CCDC178: variants seen among roughly 807,000 people sequenced by gnomAD.
CCDC178 encodes coiled-coil domain-containing protein 178.
In CCDC178, 126 loss-of-function variants were observed where a neutral mutation model predicts 117.4. That is an observed-to-expected ratio of 1.07 (90% CI 0.93 to 1.24). The LOEUF (loss-of-function observed/expected upper bound fraction) is 1.24. CCDC178 is among the 50% of genes most tolerant of loss of function. The probability of loss-of-function intolerance (pLI) is 0.00; values close to 1 mark genes in which losing one functional copy is unlikely to be tolerated. For synonymous variants in CCDC178, 283 were observed against 313.4 expected, an observed-to-expected ratio of 0.90 and a Z score of 1.02; for missense variants, 1,030 against 986.9, an observed-to-expected ratio of 1.04 and a Z score of -0.59.
At chr18:33,244,984 C>G (rs1298644531) in intron 15 of CCDC178, among the ~76,000 whole-genome samples, 1 of 151,926 alleles carries the variant, frequency 6.6e-6, no homozygotes, top group Non-Finnish European at 1.5e-5. Flanking sequence ...GAGCACCACA[C>G]TCCTGGTGCT....
intron 12 of CCDC178, among the ~76,000 whole-genome samples, chr18:33,269,986 G>T (rs528395930): frequency 1.3e-5 from 2 of 151,638 alleles, no homozygotes; most frequent in South Asian, 4.2e-4. Flanking sequence ...CTAAAACAAA[G>T]CATTAAAATA....
At chr18:33,110,801 T>A (rs1245869322) in intron 20 of CCDC178, among the ~76,000 whole-genome samples, 1 of 151,626 alleles carries the variant, frequency 6.6e-6, no homozygotes, top group Non-Finnish European at 1.5e-5. Context: ...TATCACAATT[T>A]CTTATAATGT....
chr18:33,361,629 C>A (rs549631145), intron 6 of CCDC178, among the ~76,000 whole-genome samples: 37 of 151,640 alleles, frequency 2.4e-4, no homozygotes, highest in African/African-American at 8.9e-4. Context: ...ACCAAATAAC[C>A]TGATTTAAAA....
At chr18:33,417,297 G>T (rs1177153251) in intron 2 of CCDC178, among the ~76,000 whole-genome samples, 1 of 152,042 alleles carries the variant, frequency 6.6e-6, no homozygotes, top group Non-Finnish European at 1.5e-5. Context: ...CAATTTTGAT[G>T]AACTCCATAC....
chr18:33,186,058 T>C (rs536359744), intron 20 of CCDC178, among the ~76,000 whole-genome samples: 1 of 152,084 alleles, frequency 6.6e-6, no homozygotes, highest in Non-Finnish European at 1.5e-5. Flanking sequence ...CTAAGAATAA[T>C]TTATTATCTA....
chr18:33,200,757 C>T (rs1394743250), intron 20 of CCDC178, among the ~76,000 whole-genome samples: 1 of 152,148 alleles, frequency 6.6e-6, no homozygotes, highest in African/African-American at 2.4e-5. Flanking sequence ...TTCTAGAGAA[C>T]TCTGTGCTTA....
intron 15 of CCDC178, among the ~76,000 whole-genome samples, chr18:33,233,544 G>A (rs1219024708): frequency 6.6e-6 from 1 of 151,824 alleles, no homozygotes; most frequent in Non-Finnish European, 1.5e-5. Context: ...CTGGGAGACA[G>A]ACTTAAGAGT....
rs543969437 is a variant in CCDC178 at position 33,237,590 on chromosome 18, A to G, written c.1593+7655T>C. Among the ~76,000 whole-genome samples the G allele has an allele frequency of 2.5e-4, 37 of 150,124 alleles. No homozygotes were observed. The South Asian group carries it at 7.2e-3, about 29-fold the overall frequency. ...GAAATGCCCCCCATACCAACCAAGC[A>G]TCTGCATGCCCATGTTCTAGGCCTG... On this transcript the variant is annotated intron_variant, in intron 15 of 22. Transcript: ENST00000383096.
chr18:33,315,242 G>C (rs1379847621), intron 11 of CCDC178, among the ~76,000 whole-genome samples: 1 of 152,086 alleles, frequency 6.6e-6, no homozygotes, highest in Non-Finnish European at 1.5e-5. Flanking sequence ...TCTGACTTTT[G>C]ATTATCTCTT....
At chr18:33,091,437 A>G (rs536519200) in intron 21 of CCDC178, among the ~76,000 whole-genome samples, 60 of 139,166 alleles carry the variant, frequency 4.3e-4, no homozygotes, top group Middle Eastern at 3.9e-3. Context: ...CCTGGGCTCA[A>G]GTCGTTCTTT....
At chr18:33,137,867 T>G (rs1349327669) in intron 20 of CCDC178, among the ~76,000 whole-genome samples, 2 of 152,190 alleles carry the variant, frequency 1.3e-5, no homozygotes, top group Non-Finnish European at 2.9e-5. Flanking sequence ...TCCCCTGTAT[T>G]TTGCTCCAAG....
At chr18:33,081,868 A>T (rs978107462) in intron 21 of CCDC178, among the ~76,000 whole-genome samples, 5 of 152,186 alleles carry the variant, frequency 3.3e-5, no homozygotes, top group African/African-American at 4.8e-5. Flanking sequence ...GGAAAAGTAC[A>T]AGGTTGTAAA....
At chr18:33,364,635 C>T (rs1007925090) in intron 6 of CCDC178, among the ~76,000 whole-genome samples, 3 of 151,136 alleles carry the variant, frequency 2.0e-5, no homozygotes, top group Non-Finnish European at 4.4e-5. Context: ...GTGAGGGGAA[C>T]AGCTCTAGGT....
chr18:33,079,654 C>A (rs1348618121), intron 21 of CCDC178, among the ~76,000 whole-genome samples: 2 of 152,098 alleles, frequency 1.3e-5, no homozygotes, highest in South Asian at 2.1e-4. Context: ...GACATACATG[C>A]GACCAACAAG....
rs79778152 is a variant in CCDC178, at chr18:33,054,046, A to C, written c.2388+38715T>G. On this transcript the variant is annotated intron_variant, in intron 21 of 22. Coordinates refer to ENST00000383096, the MANE Select transcript of CCDC178 (RefSeq NM_001105528.4). ...AAGATCTACTCAGAGCAAGGTGTCC[A>C]GTGCTTTTCTTTGCCCTTTTTGTGT... is the stretch of plus-strand genomic sequence containing the variant. Among the ~76,000 whole-genome samples the C allele has an allele frequency of 4.3e-3, 651 of 152,304 alleles. 5 individuals carry two copies. Among genetic ancestry groups the C allele is most frequent in the African/African-American group, 0.015 (623 of 41,564 alleles).
intron 10 of CCDC178, among the ~76,000 whole-genome samples, chr18:33,329,207 T>C (rs1185799961): frequency 6.6e-6 from 1 of 152,134 alleles, no homozygotes; most frequent in African/African-American, 2.4e-5. Context: ...TTTGGTATTT[T>C]CTATATGTTA....
intron 20 of CCDC178, among the ~76,000 whole-genome samples, chr18:33,158,552 T>C (rs1598943925): frequency 6.6e-6 from 1 of 152,230 alleles, no homozygotes; most frequent in Non-Finnish European, 1.5e-5. Context: ...TAGACCAATT[T>C]ATATTTTAGT....
rs140905464 is a variant in CCDC178, at chr18:32,990,423, C to T, written c.2389-15742G>A. On this transcript the variant is annotated intron_variant, in intron 21 of 22. Transcript: ENST00000383096. The stretch of plus-strand genomic sequence containing the variant: ...AGAATAGACGTAGTAATCAATAGAA[C>T]AAAGTAGAGAGCCCAGAAGTTCACA... Among the ~76,000 whole-genome samples the T allele has an allele frequency of 3.2e-4, 48 of 151,938 alleles. No individual in the cohort carries two copies. In the East Asian group the frequency reaches 8.5e-3, roughly 27 times the overall value.
rs61298209 is a variant in CCDC178 at position 33,394,943 on chromosome 18, GTATATATATATATATATATATATATA to G, written c.118+2180_118+2205del. Among the ~76,000 whole-genome samples the G allele has an allele frequency of 2.9e-4, 18 of 61,506 alleles. 1 individual carries two copies. The highest frequency in any genetic ancestry group is 1.7e-3 in the South Asian group (3 of 1,774). The allele number at this position is 61,506 out of a possible 152,430, so 40.4% of individuals were successfully genotyped here. Reference sequence around the variant, plus strand: ...ACTTTAAAAGCCTGTATATGTATGTGTATATATATATATATATATATATATATATATATATATATATATATGTATAC... The same window carrying G: ...ACTTTAAAAGCCTGTATATGTATGTGTATATATATATATATATATGTATAC... On this transcript the variant is annotated intron_variant, in intron 4 of 22. Coordinates refer to ENST00000383096, the MANE Select transcript of CCDC178 (RefSeq NM_001105528.4).
Sources: allele counts gnomAD v4.1 joint callset (sites outside exome capture counted in the v4.1 genomes callset), GRCh38; gene constraint gnomAD v4.1.1; transcripts MANE v1.5; gene names NCBI Gene and HGNC (gene_info 2026-07-23, HGNC 2026-07-21).